CCDC179: variants seen among roughly 807,000 people sequenced by gnomAD.
CCDC179 encodes the protein coiled-coil domain containing 179.
In CCDC179, 17 loss-of-function variants were observed where a neutral mutation model predicts 12.0. The observed-to-expected ratio is 1.42, with a 90% CI of 0.97 to 2.13. CCDC179 has a LOEUF of 2.13. CCDC179 is among the 30% of genes most tolerant of loss of function. The pLI is 0.00. For synonymous variants in CCDC179, 27 were observed against 26.4 expected (o/e 1.02, Z -0.07); for missense variants, 83 against 78.6 (o/e 1.06, Z -0.21).
Position 22,854,170 on chromosome 11 carries a change from A to G in CCDC179, c.195+3752T>C, listed in dbSNP as rs531963833. On this transcript the variant is annotated intron_variant, in intron 3 of 3. Transcript: ENST00000532798. ...AACAAAAACAGAAGGAATATTTGTT[A>G]CTAGTAGGCTTGCCCACACAGCAAT... 2.6e-5 allele frequency among the ~76,000 whole-genome samples: 4 copies of G among 151,998 alleles called. No homozygotes were observed. In the South Asian group the frequency reaches 8.3e-4, roughly 31 times the overall value.
intron 3 of CCDC179, 82 bp downstream of exon 3, chr11:22,857,840 A>T: frequency 1.5e-6 from 1 of 651,722 alleles, no homozygotes; most frequent in Non-Finnish European, 2.3e-6. Flanking sequence ...AAGAAAATTT[A>T]TAGTGAATAT....
rs1858567241 is a variant in CCDC179, at chr11:22,858,000, C to T, written c.117G>A (p.Met39Ile). Reference protein sequence around the residue: ...RQLANKRIQNMQHLKKEKRRL... With the variant: ...RQLANKRIQNIQHLKKEKRRL... ...TCCTCTTCTCTTTCTTTAGGTGTTG[C>T]ATATTCTGAATACGTTTATTTGCAA... Residue 39 changes from methionine to isoleucine, a missense_variant, in exon 3 of 4, where the codon ATG (methionine) becomes ATA (isoleucine). By Grantham distance (10) the Met-to-Ile change is conservative. Coordinates refer to ENST00000532798, the MANE Select transcript of CCDC179 (RefSeq NM_001195637.2). 1.3e-6 allele frequency: 2 copies of T among 1,517,246 alleles called. No individual in the cohort carries two copies. Among genetic ancestry groups the T allele is most frequent in the African/African-American group, 1.4e-5 (1 of 71,854 alleles). The allele number at this position is 1,517,246 out of a possible 1,614,324, so 94.0% of individuals were successfully genotyped here. A position where few individuals can be genotyped will look rare whatever the true frequency, so the allele number is the denominator to read the frequency against.
intron 1 of CCDC179, 142 bp from the exon 2 acceptor site, chr11:22,859,638 AAAC>A (rs1337102660): frequency 4.4e-6 from 2 of 452,324 alleles, no homozygotes; most frequent in Non-Finnish European, 3.6e-6. Context: ...CAGGTTAAAA[AAAC>A]AAAAAGAAAA....
chr11:22,847,629 T>C (rs976139759), intron 3 of CCDC179, 108 bp from the exon 4 acceptor site: 1 of 496,026 alleles, frequency 2.0e-6, no homozygotes, highest in African/African-American at 2.0e-5. Flanking sequence ...GGAAAACCTA[T>C]TTCATACAAG....
chr11:22,848,795 G>T (rs909008640), intron 3 of CCDC179, among the ~76,000 whole-genome samples: 5 of 152,160 alleles, frequency 3.3e-5, no homozygotes, highest in African/African-American at 7.2e-5. Context: ...GTGTTACTCT[G>T]TGGTATGGTT....
At chr11:22,853,627 CA>C (rs913711666) in intron 3 of CCDC179, among the ~76,000 whole-genome samples, 107 of 125,206 alleles carry the variant, frequency 8.5e-4, no homozygotes, top group African/African-American at 3.1e-3. Context: ...GCAACAATTA[CA>C]AAAAGTATAA....
At chr11:22,847,998 A>C (rs934755657) in intron 3 of CCDC179, among the ~76,000 whole-genome samples, 1 of 152,220 alleles carries the variant, frequency 6.6e-6, no homozygotes, top group African/African-American at 2.4e-5. Flanking sequence ...ACCCAGAATA[A>C]AGTGAGCAAC....
chr11:22,852,869 G>A (rs927543914), intron 3 of CCDC179, among the ~76,000 whole-genome samples: 1 of 152,160 alleles, frequency 6.6e-6, no homozygotes, highest in Admixed American at 6.5e-5. Context: ...TGAACCCACT[G>A]GGCAGTTATA....
chr11:22,857,697 C>T (rs1031570204), intron 3 of CCDC179, among the ~76,000 whole-genome samples: 1 of 151,670 alleles, frequency 6.6e-6, no homozygotes, highest in African/African-American at 2.4e-5. Flanking sequence ...TCCAGAACAA[C>T]CTGGTTTCAA....
At chr11:22,857,859 T>C in intron 3 of CCDC179, 63 bp downstream of exon 3, 1 of 814,396 alleles carries the variant, frequency 1.2e-6, no homozygotes, top group Non-Finnish European at 1.8e-6. Context: ...ATTACATGAA[T>C]TAAAATGATG....
chr11:22,858,556 T>A (rs1364159479), intron 2 of CCDC179, among the ~76,000 whole-genome samples: 1 of 152,034 alleles, frequency 6.6e-6, no homozygotes, highest in Non-Finnish European at 1.5e-5. Context: ...TTTTATCCAC[T>A]TCCAGTGAAG....
intron 3 of CCDC179, among the ~76,000 whole-genome samples, chr11:22,853,109 A>G (rs1480523689): frequency 6.6e-6 from 1 of 152,220 alleles, no homozygotes; most frequent in Non-Finnish European, 1.5e-5. Flanking sequence ...ACAGTTACAA[A>G]TAAACAGAAA....
At chr11:22,848,076 A>G (rs1858269124) in intron 3 of CCDC179, among the ~76,000 whole-genome samples, 1 of 152,222 alleles carries the variant, frequency 6.6e-6, no homozygotes, top group African/African-American at 2.4e-5. Flanking sequence ...ATTTAACCTT[A>G]AAATAATATT....
rs144785772 is a variant in CCDC179, at chr11:22,855,265, A to G, written c.195+2657T>C. 7.4e-3 allele frequency among the ~76,000 whole-genome samples: 1,122 copies of G among 151,758 alleles called. 10 individuals are homozygous for G. The highest frequency in any genetic ancestry group is 0.025 in the African/African-American group (1,057 of 41,530). ...GCAGAATACAGTTTTCTCAAGACACATGGAACATTCACCAAGACAGATCAC... is the reference window on the plus strand; with the variant it reads ...GCAGAATACAGTTTTCTCAAGACACGTGGAACATTCACCAAGACAGATCAC... On this transcript the variant is annotated intron_variant, in intron 3 of 3. Transcript: ENST00000532798.
At position 22,860,363 on chromosome 11, in the gene CCDC179, C is replaced by T. The variant is rs1858633411; in HGVS notation, c.45+14G>A. 11 of 1,535,296 alleles carry T rather than the reference C, an allele frequency of 7.2e-6. No homozygotes were observed. The highest frequency in any genetic ancestry group is 1.4e-5 in the African/African-American group (1 of 73,016). The stretch of plus-strand genomic sequence containing the variant: ...GAGTGGCAGAGTTGAGGTTGTAGGC[C>T]CCAGCAGACTCACAGGGTTGACTTG... On this transcript the variant is annotated intron_variant, in intron 1 of 3. Coordinates refer to ENST00000532798, the MANE Select transcript of CCDC179 (RefSeq NM_001195637.2).
chr11:22,858,086 T>A, intron 2 of CCDC179, 60 bp from the exon 3 acceptor site: 1 of 1,063,044 alleles, frequency 9.4e-7, no homozygotes, highest in East Asian at 2.8e-5. Flanking sequence ...AAAGGTAACA[T>A]TCTGATTACA....
chr11:22,860,347 A>G, intron 1 of CCDC179, 30 bp downstream of exon 1: 1 of 1,534,632 alleles, frequency 6.5e-7, no homozygotes, highest in Non-Finnish European at 8.7e-7. Context: ...AGAGTGGCAG[A>G]GTTGAGGTTG....
intron 2 of CCDC179, among the ~76,000 whole-genome samples, chr11:22,858,617 A>G (rs1053753789): frequency 2.0e-5 from 3 of 152,186 alleles, no homozygotes; most frequent in African/African-American, 7.2e-5. Context: ...AAATCCACTG[A>G]TAACAGAATA....
Position 22,857,988 on chromosome 11 carries a change from C to A in CCDC179, c.129G>T (p.Lys43Asn). ...TTTTATTCAGTCTCCTCTTCTCTTT[C>A]TTTAGGTGTTGCATATTCTGAATAC... ...NKRIQNMQHL[K>N]KEKRRLNKRF... The change falls in exon 3 of 4, where the codon AAG becomes AAT. Residue 43 changes from lysine (K) to asparagine (N), a missense_variant. Coordinates refer to ENST00000532798, the MANE Select transcript of CCDC179 (RefSeq NM_001195637.2). The A allele has an allele frequency of 2.0e-6, 3 of 1,526,336 alleles. No homozygotes were observed. The highest frequency in any genetic ancestry group is 2.6e-6 in the Non-Finnish European group (3 of 1,143,060). The allele number at this position is 1,526,336 out of a possible 1,614,324, so 94.5% of individuals were successfully genotyped here.
Sources: allele counts gnomAD v4.1 joint callset (sites outside exome capture counted in the v4.1 genomes callset), GRCh38; gene constraint gnomAD v4.1.1; transcripts MANE v1.5; gene names NCBI Gene and HGNC (gene_info 2026-07-23, HGNC 2026-07-21).